The following SCFD1 variants were observed in gnomAD, a reference collection of about 807,000 sequenced individuals.
The protein encoded by SCFD1 is sec1 family domain-containing protein 1.
A neutral mutation model predicts 103.2 loss-of-function variants in SCFD1; 37 were observed. That is an observed-to-expected ratio of 0.36 (90% CI 0.28 to 0.47). SCFD1 has a LOEUF of 0.47. SCFD1 is among the 20% of genes least tolerant of loss of function. SCFD1 has a pLI of 1.00. For missense variants in SCFD1, 639 were observed against 761.2 expected, an observed-to-expected ratio of 0.84 and a Z score of 1.89; for synonymous variants, 264 against 245.0, an observed-to-expected ratio of 1.08 and a Z score of -0.73.
intron 3 of SCFD1, among the ~76,000 whole-genome samples, chr14:30,631,996 C>T (rs1032493591): frequency 1.5e-5 from 2 of 132,798 alleles, no homozygotes; most frequent in Admixed American, 8.5e-5. Flanking sequence ...TGTAGTGAAC[C>T]GAGATCGTGA....
intron 21 of SCFD1, among the ~76,000 whole-genome samples, chr14:30,720,910 G>C (rs1892609106): frequency 6.6e-6 from 1 of 152,134 alleles, no homozygotes; most frequent in Admixed American, 6.6e-5. Flanking sequence ...CCTTAATGTA[G>C]TTTATGCATG....
intron 9 of SCFD1, among the ~76,000 whole-genome samples, chr14:30,652,700 T>C (rs1346105891): frequency 6.6e-6 from 1 of 152,188 alleles, no homozygotes; most frequent in Non-Finnish European, 1.5e-5. Context: ...AATATTTATA[T>C]AGATTTTTTT....
chr14:30,722,723 G>A, intron 23 of SCFD1, 164 bp downstream of exon 23: 1 of 403,366 alleles, frequency 2.5e-6, no homozygotes, highest in Non-Finnish European at 4.4e-6. Context: ...TCCTATTCCT[G>A]TCACATTCAT....
chr14:30,634,730 C>T (rs1484479862), intron 4 of SCFD1: 3 of 446,130 alleles, frequency 6.7e-6, no homozygotes, highest in Non-Finnish European at 1.3e-5. Flanking sequence ...CAGGCTCCTT[C>T]TGTCGCTGAT....
Position 30,734,820 on chromosome 14 carries a change from T to C in SCFD1, c.1867T>C (p.Cys623Arg). Residue 623 changes from cysteine to arginine, a missense_variant, in exon 24 of 25, where the codon TGC becomes CGC. Cys to Arg is a radical substitution (Grantham distance 180, BLOSUM62 -3). Transcript: ENST00000458591. ...GKQGKHILYG[C>R]SELFNATQFI... ...ACAAGGCAAACACATTTTATATGGC[T>C]GCAGTGAGCTTTTTAATGCTACACA... The C allele has an allele frequency of 6.2e-7, 1 of 1,613,756 alleles. No individual in the cohort carries two copies. The highest frequency in any genetic ancestry group is 8.5e-7 in the Non-Finnish European group (1 of 1,179,702).
At chr14:30,625,603 AGG>A (rs1883314185) in intron 1 of SCFD1, among the ~76,000 whole-genome samples, 1 of 42,734 alleles carries the variant, frequency 2.3e-5, no homozygotes, top group Non-Finnish European at 3.8e-5. Flanking sequence ...TTTTTGTTAT[AGG>A]TATAGGTATA....
chr14:30,673,903 G>A (rs375957564), intron 12 of SCFD1, 21 bp from the exon 13 acceptor site: 71 of 1,582,870 alleles, frequency 4.5e-5, no homozygotes, highest in Admixed American at 6.7e-5. Flanking sequence ...AGTAGCTATT[G>A]AGACCTTTTT....
At chr14:30,684,757 AAT>A (rs1370365172) in intron 14 of SCFD1, among the ~76,000 whole-genome samples, 2 of 142,814 alleles carry the variant, frequency 1.4e-5, no homozygotes, top group East Asian at 4.0e-4. Context: ...TACTTTTTAA[AAT>A]ATATTTAAAG....
At chr14:30,682,984 AAGAC>A (rs1347538381) in intron 14 of SCFD1, 43 of 823,470 alleles carry the variant, frequency 5.2e-5, no homozygotes, top group South Asian at 2.3e-4. Flanking sequence ...ATCACAAAAA[AAGAC>A]AGACCATCTA....
intron 15 of SCFD1, among the ~76,000 whole-genome samples, chr14:30,699,011 A>G (rs972183350): frequency 2.6e-5 from 4 of 152,158 alleles, no homozygotes; most frequent in African/African-American, 9.7e-5. Flanking sequence ...TGGAAGAATA[A>G]CCTACGGAAG....
chr14:30,661,841 TC>T lies in SCFD1; in HGVS notation c.855+8254del, dbSNP rs1325551704. 2.0e-5 allele frequency among the ~76,000 whole-genome samples: 3 copies of T among 152,178 alleles called. No homozygotes were observed. In the East Asian group the frequency reaches 5.8e-4, roughly 29 times the overall value. On this transcript the variant is annotated intron_variant, in intron 10 of 24. Coordinates refer to ENST00000458591, the MANE Select transcript of SCFD1 (RefSeq NM_016106.4). The stretch of plus-strand genomic sequence containing the variant: ...GGATGAGCTTTGAAAAATAAATTTT[TC>T]ACATAATGCTTTAATTTTCCCTAAA...
At chr14:30,707,796 T>TA (rs2139364117) in intron 18 of SCFD1, 194 bp from the exon 19 acceptor site, 2 of 649,636 alleles carry the variant, frequency 3.1e-6, no homozygotes. Flanking sequence ...ATTACTATTT[T>TA]ATTGTTAAAT....
intron 10 of SCFD1, among the ~76,000 whole-genome samples, chr14:30,659,408 C>CA (rs1241480650): frequency 1.3e-5 from 2 of 152,114 alleles, no homozygotes; most frequent in Non-Finnish European, 1.5e-5. Flanking sequence ...AGACTAACCA[C>CA]ATTGAAGGTA....
At position 30,721,573 on chromosome 14, in the gene SCFD1, A is replaced by C. The variant is rs1349998595; in HGVS notation, c.1737-311A>C. ...CATAAAATATATGCCTTATCCATTC[A>C]CCACAAACCCAGACTTACGCTCCTC... is the stretch of plus-strand genomic sequence containing the variant. On this transcript the variant is annotated intron_variant, in intron 21 of 24. Coordinates refer to ENST00000458591, the MANE Select transcript of SCFD1 (RefSeq NM_016106.4). The C allele has an allele frequency of 3.1e-5, 9 of 287,518 alleles. No individual in the cohort carries two copies. The Admixed American group carries it at 4.9e-4, about 16-fold the overall frequency. The allele number at this position is 287,518 out of a possible 1,614,324, so 17.8% of individuals were successfully genotyped here.
chr14:30,678,095 C>T (rs1889188263), intron 14 of SCFD1, among the ~76,000 whole-genome samples: 1 of 152,026 alleles, frequency 6.6e-6, no homozygotes, highest in African/African-American at 2.4e-5. Context: ...GCCTCGGCCC[C>T]GCGAAGTGCT....
At chr14:30,704,290 C>T (rs1056133398) in intron 17 of SCFD1, among the ~76,000 whole-genome samples, 1 of 152,078 alleles carries the variant, frequency 6.6e-6, no homozygotes, top group Non-Finnish European at 1.5e-5. Flanking sequence ...CCTTCCATTT[C>T]AGCCTCCTTA....
rs1315033080 is a variant in SCFD1 at position 30,690,435 on chromosome 14, T to C, written c.1243-4338T>C. The stretch of plus-strand genomic sequence containing the variant: ...CTCGCTGCCGCCTTGCAGTTTGATC[T>C]CAGACTGCTGTGCTAGCAATCAGCG... On this transcript the variant is annotated intron_variant, in intron 14 of 24. Coordinates refer to ENST00000458591, the MANE Select transcript of SCFD1 (RefSeq NM_016106.4). Among the ~76,000 whole-genome samples, 8 of 98,640 alleles carry C rather than the reference T, an allele frequency of 8.1e-5. No individual in the cohort carries two copies. In the South Asian group the frequency reaches 1.0e-3, roughly 12 times the overall value. The allele number at this position is 98,640 out of a possible 152,430, so 64.7% of individuals were successfully genotyped here.
At position 30,643,416 on chromosome 14, in the gene SCFD1, C is replaced by T. The variant is rs1036351236; in HGVS notation, c.613+11C>T. 1.9e-6 allele frequency: 3 copies of T among 1,546,284 alleles called. No homozygotes were observed. In the South Asian group the frequency reaches 3.3e-5, roughly 17 times the overall value. ...TTTTTGTTACTCTGGGTAAGTTTTC[C>T]AGTCTTTCTGGTTATTCTTCAAAGT... is the stretch of plus-strand genomic sequence containing the variant. On this transcript the variant is annotated intron_variant, in intron 7 of 24. Transcript: ENST00000458591.
At chr14:30,647,513 C>T (rs1250136706) in intron 7 of SCFD1, among the ~76,000 whole-genome samples, 2 of 151,998 alleles carry the variant, frequency 1.3e-5, no homozygotes, top group Non-Finnish European at 2.9e-5. Flanking sequence ...TATATATTAC[C>T]TTATGTGATT....
Sources: allele counts gnomAD v4.1 joint callset (sites outside exome capture counted in the v4.1 genomes callset), GRCh38; gene constraint gnomAD v4.1.1; transcripts MANE v1.5; gene names NCBI Gene and HGNC (gene_info 2026-07-23, HGNC 2026-07-21).